The following AK3 variants were observed in gnomAD, a reference collection of about 807,000 sequenced individuals.
The protein encoded by AK3 is adenylate kinase 3, also known as GTP:AMP phosphotransferase AK3, mitochondrial.
Under a neutral mutation model 23.7 loss-of-function variants are expected in AK3, and 27 were observed. The observed-to-expected ratio is 1.14, with a 90% CI of 0.84 to 1.57. The LOEUF is 1.57. Among genes scored for constraint, AK3 ranks in the 40% most tolerant of loss-of-function variants. The pLI is 0.00. For missense variants in AK3, 406 were observed against 285.6 expected (o/e 1.42, Z -3.04); for synonymous variants, 159 against 116.0 (o/e 1.37, Z -2.38).
At chr9:4,734,348 C>T (rs73641822) in intron 1 of AK3, among the ~76,000 whole-genome samples, 2 of 129,702 alleles carry the variant, frequency 1.5e-5, no homozygotes, top group South Asian at 2.5e-4. Flanking sequence ...TATTGTGTTA[C>T]GGCAGCCTGA....
At chr9:4,734,920 T>A (rs937112809) in intron 1 of AK3, among the ~76,000 whole-genome samples, 2 of 152,108 alleles carry the variant, frequency 1.3e-5, no homozygotes, top group African/African-American at 4.8e-5. Context: ...TATTGTATGA[T>A]TGCATTTGTA....
chr9:4,712,057 C>A lies in AK3; in HGVS notation c.*919G>T, dbSNP rs1377815174. On this transcript the variant is annotated 3_prime_UTR_variant, in exon 5 of 5. Transcript: ENST00000381809. ...ATAGTGCCACGGGTTTCTCTTTTTT[C>A]TTCTCTTTTTTATTGGCGGGGGAGA... The A allele has an allele frequency of 6.6e-6, 1 of 151,972 alleles. No homozygotes were observed. The highest frequency in any genetic ancestry group is 1.5e-5 in the Non-Finnish European group (1 of 67,982). The allele number at this position is 151,972 out of a possible 1,614,324, so 9.4% of individuals were successfully genotyped here. A position where few individuals can be genotyped will look rare whatever the true frequency, so the allele number is the denominator to read the frequency against.
intron 1 of AK3, among the ~76,000 whole-genome samples, chr9:4,732,020 G>C (rs941467141): frequency 6.6e-6 from 1 of 152,110 alleles, no homozygotes; most frequent in Non-Finnish European, 1.5e-5. Flanking sequence ...TATGATCATA[G>C]CTCACTGCAG....
At chr9:4,717,813 T>A (rs920144708) in intron 4 of AK3, among the ~76,000 whole-genome samples, 1 of 152,236 alleles carries the variant, frequency 6.6e-6, no homozygotes, top group Non-Finnish European at 1.5e-5. Flanking sequence ...GGCTAAGTTA[T>A]GGTGCTTGGT....
chr9:4,740,870 G>A, intron 1 of AK3, 67 bp downstream of exon 1: 2 of 1,396,236 alleles, frequency 1.4e-6, no homozygotes, highest in Non-Finnish European at 1.9e-6. Context: ...GCCCAGCTTC[G>A]GCCCCTCGCC....
chr9:4,716,226 G>A (rs1397906270), intron 4 of AK3, among the ~76,000 whole-genome samples: 1 of 152,140 alleles, frequency 6.6e-6, no homozygotes, highest in African/African-American at 2.4e-5. Flanking sequence ...ATATCATATT[G>A]TATGATAAAT....
At chr9:4,713,992 A>T (rs1587633632) in intron 4 of AK3, among the ~76,000 whole-genome samples, 1 of 151,606 alleles carries the variant, frequency 6.6e-6, no homozygotes, top group East Asian at 1.9e-4. Flanking sequence ...ACCTACACAT[A>T]TACGCCTACA....
chr9:4,725,604 T>G (rs1388541798), intron 1 of AK3, among the ~76,000 whole-genome samples: 1 of 151,538 alleles, frequency 6.6e-6, no homozygotes, highest in Non-Finnish European at 1.5e-5. Context: ...CCCCATCTCT[T>G]AAAAAAGAAA....
rs2130863190 is a variant in AK3 at position 4,711,302 on chromosome 9, T to C, written c.*1674A>G. 6.5e-6 allele frequency: 1 copy of C among 152,802 alleles called. No homozygotes were observed. Among genetic ancestry groups the C allele is most frequent in the South Asian group, 2.1e-4 (1 of 4,834 alleles). 9.5% of individuals were successfully genotyped at this position (152,802 alleles called of 1,614,324 possible). On this transcript the variant is annotated 3_prime_UTR_variant, in exon 5 of 5. Coordinates refer to ENST00000381809, the MANE Select transcript of AK3 (RefSeq NM_016282.4). Reference sequence around the variant, plus strand: ...GTTATGAAATTTCATTTTATTCTGATAAAGACTAATATATGCTTGATAACC... The same window carrying C: ...GTTATGAAATTTCATTTTATTCTGACAAAGACTAATATATGCTTGATAACC...
upstream of AK3, chr9:4,741,344 G>A (rs10974762): frequency 7.7e-6 from 1 of 129,164 alleles, no homozygotes; most frequent in Non-Finnish European, 1.8e-5. Flanking sequence ...GCCCAGCCGC[G>A]CAAGCCGCGC....
intron 1 of AK3, among the ~76,000 whole-genome samples, chr9:4,728,028 C>G (rs192264457): frequency 6.6e-6 from 1 of 152,124 alleles, no homozygotes; most frequent in Non-Finnish European, 1.5e-5. Flanking sequence ...TAGTTCATGG[C>G]ACCCCAAAAC....
chr9:4,720,424 C>T (rs757246880), intron 2 of AK3, among the ~76,000 whole-genome samples: 2 of 152,148 alleles, frequency 1.3e-5, no homozygotes, highest in Non-Finnish European at 2.9e-5. Flanking sequence ...TGGCTCACAC[C>T]TGTAATCTCA....
intron 4 of AK3, among the ~76,000 whole-genome samples, chr9:4,715,392 T>G (rs774575221): frequency 2.8e-5 from 1 of 35,658 alleles, no homozygotes; most frequent in Non-Finnish European, 4.8e-5. Context: ...CCCTTACTAC[T>G]TTTTTTTTTT....
intron 1 of AK3, among the ~76,000 whole-genome samples, chr9:4,735,420 T>C (rs1332768609): frequency 7.7e-6 from 1 of 129,734 alleles, no homozygotes; most frequent in Non-Finnish European, 1.6e-5. Context: ...TATATATACA[T>C]ATATAAATAT....
intron 1 of AK3, among the ~76,000 whole-genome samples, chr9:4,728,866 T>TACACACACACACACACAC (rs57364192): frequency 1.3e-3 from 117 of 87,656 alleles, no homozygotes; most frequent in South Asian, 4.9e-3. Context: ...TATATATATA[T>TACACACACACACACACAC]ACACACACAC....
chr9:4,719,545 T>A (rs1841837111), intron 2 of AK3, among the ~76,000 whole-genome samples: 3 of 152,138 alleles, frequency 2.0e-5, no homozygotes, highest in Admixed American at 1.3e-4. Context: ...TGGGTATATC[T>A]GTCAGGCTGC....
In AK3 at chr9:4,711,327, C is replaced by G. The variant is rs1298241629; in HGVS notation, c.*1649G>C. Reference sequence around the variant, plus strand: ...TAAAGACTAATATATGCTTGATAACCTAGTGATAATCCATAAGTTTGGTAT... The same window carrying G: ...TAAAGACTAATATATGCTTGATAACGTAGTGATAATCCATAAGTTTGGTAT... On this transcript the variant is annotated 3_prime_UTR_variant, in exon 5 of 5. Transcript: ENST00000381809. 1 of 152,470 alleles carries G rather than the reference C, an allele frequency of 6.6e-6. No individual in the cohort carries two copies. The highest frequency in any genetic ancestry group is 1.5e-5 in the Non-Finnish European group (1 of 67,980). The allele number at this position is 152,470 out of a possible 1,614,324, so 9.4% of individuals were successfully genotyped here.
At chr9:4,730,588 G>A (rs891422919) in intron 1 of AK3, among the ~76,000 whole-genome samples, 1 of 152,186 alleles carries the variant, frequency 6.6e-6, no homozygotes, top group African/African-American at 2.4e-5. Flanking sequence ...TGGTGACAGA[G>A]CAAGACCTTG....
chr9:4,735,029 C>T (rs1378163942), intron 1 of AK3, among the ~76,000 whole-genome samples: 1 of 151,382 alleles, frequency 6.6e-6, no homozygotes, highest in Non-Finnish European at 1.5e-5. Flanking sequence ...GAAGTGACGG[C>T]TAATAGGTAT....
Sources: gnomAD v4.1 joint callset for allele counts (sites outside exome capture counted in the v4.1 genomes callset) on GRCh38, gnomAD v4.1.1 for gene constraint, MANE v1.5 for transcripts, NCBI Gene and HGNC (gene_info 2026-07-23, HGNC 2026-07-21) for gene names.